The following CACNB2 variants were observed in gnomAD, a reference collection of about 807,000 sequenced individuals.
CACNB2 encodes the protein calcium voltage-gated channel auxiliary subunit beta 2.
CACNB2 carries 42 observed loss-of-function variants against 73.3 expected under a neutral mutation model. The ratio of observed to expected loss-of-function variants is 0.57; its 90% CI spans 0.45 to 0.74. CACNB2 has a LOEUF of 0.74. Among genes scored for constraint, CACNB2 ranks in the 30% least tolerant of loss-of-function variants. The probability of loss-of-function intolerance (pLI) is 0.00; values close to 1 mark genes in which losing one functional copy is unlikely to be tolerated. For missense variants in CACNB2, 940 were observed against 853.0 expected (o/e 1.10, Z -1.27); for synonymous variants, 348 against 310.3 (o/e 1.12, Z -1.28).
intron 2 of CACNB2, among the ~76,000 whole-genome samples, chr10:18,377,482 C>T (rs1018290154): frequency 6.6e-6 from 1 of 152,136 alleles, no homozygotes; most frequent in African/African-American, 2.4e-5. Context: ...ATAAAAGCAG[C>T]CATGAACAAT....
chr10:18,197,871 G>T (rs1350221672), intron 2 of CACNB2, among the ~76,000 whole-genome samples: 2 of 149,648 alleles, frequency 1.3e-5, no homozygotes, highest in Non-Finnish European at 1.5e-5. Context: ...TATGAGCTTT[G>T]CATATATTAA....
At position 18,313,392 on chromosome 10, in the gene CACNB2, C is replaced by T. The variant is rs139190203; in HGVS notation, c.214-88532C>T. ...CGTACTAGACGCCAGAAACACTCCT[C>T]TCCAACTGTGACAACCAAAAATGTC... On this transcript the variant is annotated intron_variant, in intron 2 of 13. Coordinates refer to ENST00000324631, the MANE Select transcript of CACNB2 (RefSeq NM_201596.3). Among the ~76,000 whole-genome samples, 355 of 151,318 alleles carry T rather than the reference C, an allele frequency of 2.3e-3. 2 individuals carry two copies. The highest frequency in any genetic ancestry group is 8.4e-3 in the African/African-American group (344 of 41,146).
At chr10:18,430,904 C>T (rs926250964) in intron 3 of CACNB2, among the ~76,000 whole-genome samples, 1 of 152,158 alleles carries the variant, frequency 6.6e-6, no homozygotes, top group Non-Finnish European at 1.5e-5. Flanking sequence ...TAATCTCTAT[C>T]ATTTATATTT....
intron 2 of CACNB2, chr10:18,261,925 A>C (rs777442468): frequency 3.9e-6 from 2 of 518,612 alleles, no homozygotes; most frequent in East Asian, 1.1e-4. Flanking sequence ...CAAATATTGA[A>C]GTGTATCACT....
Position 18,403,686 on chromosome 10 carries a change from C to A in CACNB2, c.333+1643C>A, listed in dbSNP as rs149416629. ...ACCAAGCATGGATCGAAATGTTGCTCCTAAATCAAACCAGGGTCGTGTTAC... is the reference window on the plus strand; with the variant it reads ...ACCAAGCATGGATCGAAATGTTGCTACTAAATCAAACCAGGGTCGTGTTAC... On this transcript the variant is annotated intron_variant, in intron 3 of 13. Coordinates refer to ENST00000324631, the MANE Select transcript of CACNB2 (RefSeq NM_201596.3). Among the ~76,000 whole-genome samples, 358 of 152,074 alleles carry A rather than the reference C, an allele frequency of 2.4e-3. 3 individuals are homozygous for A. The highest frequency in any genetic ancestry group is 0.014 in the South Asian group (66 of 4,810).
chr10:18,539,644 T>C lies in CACNB2; in HGVS notation c.1903T>C (p.Cys635Arg), dbSNP rs1443093872. ...RSRHKSKDRY[C>R]EKDGEVISKK... Reference sequence around the variant, plus strand: ...CCGTCATAAATCCAAGGATCGCTACTGTGAAAAGGATGGAGAAGTGATATC... The same window carrying C: ...CCGTCATAAATCCAAGGATCGCTACCGTGAAAAGGATGGAGAAGTGATATC... The change falls in exon 14 of 14, where the codon TGT becomes CGT. Residue 635 changes from cysteine (C) to arginine (R), a missense_variant. Physicochemically the swap from Cys to Arg is radical, Grantham distance 180 (BLOSUM62 -3). Coordinates refer to ENST00000324631, the MANE Select transcript of CACNB2 (RefSeq NM_201596.3). 6.2e-7 allele frequency: 1 copy of C among 1,613,260 alleles called. No individual in the cohort carries two copies. Among genetic ancestry groups the C allele is most frequent in the Non-Finnish European group, 8.5e-7 (1 of 1,179,884 alleles).
chr10:18,234,336 T>G (rs750085041), intron 2 of CACNB2: 2 of 152,206 alleles, frequency 1.3e-5, no homozygotes, highest in Non-Finnish European at 2.9e-5. Flanking sequence ...AGTATGGCAG[T>G]TCCTCAGCAT....
intron 2 of CACNB2, among the ~76,000 whole-genome samples, chr10:18,261,472 G>T (rs542983582): frequency 6.6e-6 from 1 of 152,160 alleles, no homozygotes; most frequent in Non-Finnish European, 1.5e-5. Context: ...GGAATCTGAG[G>T]TATAGGAGAT....
intron 2 of CACNB2, among the ~76,000 whole-genome samples, chr10:18,237,202 C>T (rs1220803244): frequency 6.6e-6 from 1 of 151,968 alleles, no homozygotes; most frequent in Non-Finnish European, 1.5e-5. Context: ...ATTGTGTTCC[C>T]CCAGAAAGTA....
chr10:18,151,339 G>T, intron 2 of CACNB2: 1 of 191,112 alleles, frequency 5.2e-6, no homozygotes, highest in Middle Eastern at 2.3e-3. Context: ...TGAGATACTG[G>T]GGTTCTTCTA....
intron 2 of CACNB2, among the ~76,000 whole-genome samples, chr10:18,328,065 G>C (rs1241383381): frequency 6.6e-6 from 1 of 152,204 alleles, no homozygotes; most frequent in African/African-American, 2.4e-5. Context: ...GACCTGAAAA[G>C]ATCCAACCTC....
intron 2 of CACNB2, among the ~76,000 whole-genome samples, chr10:18,155,425 C>A (rs1470530471): frequency 6.6e-6 from 1 of 152,218 alleles, no homozygotes; most frequent in Non-Finnish European, 1.5e-5. Context: ...CAGCATTCCA[C>A]TGTGTGGAAA....
At chr10:18,166,749 T>G (rs1476072596) in intron 2 of CACNB2, among the ~76,000 whole-genome samples, 1 of 152,002 alleles carries the variant, frequency 6.6e-6, no homozygotes, top group Non-Finnish European at 1.5e-5. Flanking sequence ...TGTTGTCGGG[T>G]AGGGGGAGCG....
intron 2 of CACNB2, among the ~76,000 whole-genome samples, chr10:18,186,578 C>A (rs1353847865): frequency 6.6e-6 from 1 of 152,000 alleles, no homozygotes; most frequent in Non-Finnish European, 1.5e-5. Flanking sequence ...TGGTGGAAGG[C>A]AAAGGGGGAG....
intron 12 of CACNB2, 47 bp downstream of exon 12, chr10:18,536,243 CTTTTTT>C (rs904187820): frequency 3.4e-4 from 95 of 282,704 alleles, no homozygotes; most frequent in South Asian, 7.0e-4. Context: ...GAGATCAGAC[CTTTTTT>C]TTTTTTTTTT....
At chr10:18,461,166 G>A (rs12247582) in intron 3 of CACNB2, among the ~76,000 whole-genome samples, 44,466 of 151,946 alleles carry the variant, frequency 0.29, 7,509 homozygotes, top group Middle Eastern at 0.45. Flanking sequence ...TGCACACCTC[G>A]GCCTCCCAAA....
chr10:18,179,678 C>A (rs527320515), intron 2 of CACNB2, among the ~76,000 whole-genome samples: 1 of 151,282 alleles, frequency 6.6e-6, no homozygotes, highest in Non-Finnish European at 1.5e-5. Flanking sequence ...TGGTGTTTAA[C>A]TTTTTGTATG....
Position 18,352,661 on chromosome 10 carries a change from G to A in CACNB2, c.214-49263G>A, listed in dbSNP as rs371712158. Among the ~76,000 whole-genome samples the A allele has an allele frequency of 2.6e-5, 4 of 152,302 alleles. No homozygotes were observed. The South Asian group carries it at 8.3e-4, about 32-fold the overall frequency. On this transcript the variant is annotated intron_variant, in intron 2 of 13. Transcript: ENST00000324631. ...CTTAATTGTTATATGAATTACAAGG[G>A]ACTGCATAGGTTTCGTTGCAAAAAT... is the stretch of plus-strand genomic sequence containing the variant.
At chr10:18,501,305 G>C (rs564316187) in intron 5 of CACNB2, among the ~76,000 whole-genome samples, 196 of 152,314 alleles carry the variant, frequency 1.3e-3, no homozygotes, top group African/African-American at 4.6e-3. Context: ...GTAGCTGCCT[G>C]GTATGGCTGG....
Sources: allele counts gnomAD v4.1 joint callset (sites outside exome capture counted in the v4.1 genomes callset), GRCh38; gene constraint gnomAD v4.1.1; transcripts MANE v1.5; gene names NCBI Gene and HGNC (gene_info 2026-07-23, HGNC 2026-07-21).